NCOA5: variants seen among roughly 807,000 people sequenced by gnomAD.
NCOA5 encodes the protein nuclear receptor coactivator 5, also known as NCoA-5.
A neutral mutation model predicts 59.0 loss-of-function variants in NCOA5; 12 were observed. The ratio of observed to expected loss-of-function variants is 0.20; its 90% CI spans 0.13 to 0.33. The LOEUF is 0.33. Ranked by LOEUF, NCOA5 falls within the 10% of genes least tolerant of loss-of-function variation. The pLI, the probability that NCOA5 is intolerant of heterozygous loss-of-function variation, is 1.00. For missense variants in NCOA5, 655 were observed against 766.6 expected (o/e 0.85, Z 1.72); for synonymous variants, 270 against 275.5 (o/e 0.98, Z 0.20).
Position 46,063,393 on chromosome 20 carries a change from G to T in NCOA5, c.1117C>A (p.Arg373=). The change falls in exon 7 of 8, where the codon CGG becomes AGG. Residue 373 remains arginine (R), a synonymous_variant. Coordinates refer to ENST00000290231, the MANE Select transcript of NCOA5 (RefSeq NM_020967.3). ...GAGTCGGTGCTGCTCCTCATCAGCC[G>T]CTCCTTCCGCTCTCGCAGGTAGTTG... ...IINYLRERKE[R]LMRSSTDSLP... 6.2e-7 allele frequency: 1 copy of T among 1,613,600 alleles called. No individual in the cohort carries two copies. Among genetic ancestry groups the T allele is most frequent in the African/African-American group, 1.3e-5 (1 of 75,008 alleles).
At chr20:46,063,256 T>A in intron 7 of NCOA5, 104 bp downstream of exon 7, 1 of 1,201,606 alleles carries the variant, frequency 8.3e-7, no homozygotes. Flanking sequence ...CTTAGTTCCC[T>A]TACCCACTCC....
At chr20:46,079,274 G>T in intron 2 of NCOA5, 113 bp downstream of exon 2, 1 of 973,366 alleles carries the variant, frequency 1.0e-6, no homozygotes, top group Non-Finnish European at 1.7e-6. Flanking sequence ...CTTATTGTTT[G>T]CTTGAGCGTT....
intron 1 of NCOA5, among the ~76,000 whole-genome samples, chr20:46,085,496 G>C (rs761771018): frequency 3.9e-5 from 6 of 152,116 alleles, no homozygotes; most frequent in Non-Finnish European, 7.4e-5. Flanking sequence ...TGTATGGAGG[G>C]GGTGGGGGTG....
chr20:46,069,427 C>G (rs1430730448), intron 3 of NCOA5, among the ~76,000 whole-genome samples: 1 of 152,178 alleles, frequency 6.6e-6, no homozygotes, highest in Non-Finnish European at 1.5e-5. Flanking sequence ...AATGATACCA[C>G]ATTATATGAA....
intron 2 of NCOA5, among the ~76,000 whole-genome samples, chr20:46,077,671 C>T (rs2084951964): frequency 6.6e-6 from 1 of 152,288 alleles, no homozygotes; most frequent in South Asian, 2.1e-4. Flanking sequence ...CCTGGTAAGT[C>T]ACCAGGAAAC....
chr20:46,083,052 C>T (rs1427834258), intron 1 of NCOA5, among the ~76,000 whole-genome samples: 2 of 152,134 alleles, frequency 1.3e-5, no homozygotes, highest in African/African-American at 4.8e-5. Flanking sequence ...ACTCTTTTCA[C>T]CTTAAAACCA....
intron 2 of NCOA5, among the ~76,000 whole-genome samples, chr20:46,076,762 T>A (rs1436167939): frequency 6.6e-6 from 1 of 152,154 alleles, no homozygotes; most frequent in Admixed American, 6.5e-5. Context: ...GAATTTGAAT[T>A]AGCCTAGCTG....
At chr20:46,063,266 C>T in intron 7 of NCOA5, 94 bp downstream of exon 7, 1 of 1,345,920 alleles carries the variant, frequency 7.4e-7, no homozygotes. Flanking sequence ...TTACCCACTC[C>T]AAAGAGCCCT....
rs750236006 is a variant in NCOA5 at position 46,067,092 on chromosome 20, C to T, written c.592G>A (p.Val198Ile). 6 of 1,614,104 alleles carry T rather than the reference C, an allele frequency of 3.7e-6. No individual in the cohort carries two copies. The highest frequency in any genetic ancestry group is 4.2e-6 in the Non-Finnish European group (5 of 1,180,012). The stretch of plus-strand genomic sequence containing the variant: ...TTGACCACAATCACAGAACAATCAA[C>T]GGGCCTTTCGGCATCAAAGCGTCTC... Reference protein sequence around the residue: ...IQRRFDAERPVDCSVIVVNKQ... With the variant: ...IQRRFDAERPIDCSVIVVNKQ... The change falls in exon 5 of 8, where the codon GTT becomes ATT. Residue 198 changes from valine (V) to isoleucine (I), a missense_variant. By Grantham distance (29) the Val-to-Ile change is conservative (BLOSUM62 3). Transcript: ENST00000290231.
intron 2 of NCOA5, among the ~76,000 whole-genome samples, chr20:46,073,358 T>TCATA (rs1600625373): frequency 6.6e-6 from 1 of 152,340 alleles, no homozygotes; most frequent in East Asian, 1.9e-4. Context: ...AGCAAACATA[T>TCATA]CATAGACCAG....
chr20:46,065,323 C>T, intron 5 of NCOA5, 95 bp from the exon 6 acceptor site: 1 of 1,138,982 alleles, frequency 8.8e-7, no homozygotes. Flanking sequence ...ATAACTCAAA[C>T]CTTAGTCTAC....
intron 2 of NCOA5, among the ~76,000 whole-genome samples, chr20:46,074,971 CTCTT>C (rs1238492185): frequency 6.6e-6 from 1 of 152,234 alleles, no homozygotes; most frequent in African/African-American, 2.4e-5. Context: ...GAGGGCCAGC[CTCTT>C]TCTGACCCTG....
chr20:46,062,249 T>C lies in NCOA5; in HGVS notation c.*51A>G. ...AACAGCTCTATTTAGAACAAGTAAG[T>C]GGGAGGAGGCCAGGGGATGAGGGGA... On this transcript the variant is annotated 3_prime_UTR_variant, in exon 8 of 8. Coordinates refer to ENST00000290231, the MANE Select transcript of NCOA5 (RefSeq NM_020967.3). 1 of 1,430,600 alleles carries C rather than the reference T, an allele frequency of 7.0e-7. No individual in the cohort carries two copies. Among genetic ancestry groups the C allele is most frequent in the Non-Finnish European group, 9.6e-7 (1 of 1,040,588 alleles). The allele number at this position is 1,430,600 out of a possible 1,614,324, so 88.6% of individuals were successfully genotyped here. A position where few individuals can be genotyped will look rare whatever the true frequency, so the allele number is the denominator to read the frequency against.
intron 1 of NCOA5, among the ~76,000 whole-genome samples, chr20:46,088,151 A>G (rs1179487871): frequency 6.6e-6 from 1 of 152,224 alleles, no homozygotes; most frequent in South Asian, 2.1e-4. Flanking sequence ...CTTACAAGTA[A>G]GTTAATCTGT....
At chr20:46,074,272 C>T (rs1207537735) in intron 2 of NCOA5, among the ~76,000 whole-genome samples, 3 of 152,102 alleles carry the variant, frequency 2.0e-5, no homozygotes, top group Non-Finnish European at 4.4e-5. Context: ...GTAGTATGCA[C>T]GAATCAAAGT....
intron 2 of NCOA5, among the ~76,000 whole-genome samples, chr20:46,072,207 A>G (rs1376425367): frequency 6.6e-6 from 1 of 152,182 alleles, no homozygotes; most frequent in Non-Finnish European, 1.5e-5. Flanking sequence ...CCACAGCAAG[A>G]GCCTTCTAAA....
At chr20:46,080,989 A>C (rs184986012) in intron 1 of NCOA5, among the ~76,000 whole-genome samples, 2 of 152,242 alleles carry the variant, frequency 1.3e-5, no homozygotes, top group Non-Finnish European at 2.9e-5. Flanking sequence ...AATTGTGAAG[A>C]ATACTAGTTC....
At chr20:46,066,996 G>C in intron 5 of NCOA5, 59 bp downstream of exon 5, 1 of 1,587,148 alleles carries the variant, frequency 6.3e-7, no homozygotes, top group East Asian at 2.2e-5. Context: ...GTGCTAAACA[G>C]GAGCCTGAAT....
intron 1 of NCOA5, among the ~76,000 whole-genome samples, chr20:46,082,101 C>A (rs1314385631): frequency 1.3e-5 from 2 of 151,828 alleles, no homozygotes; most frequent in East Asian, 3.9e-4. Flanking sequence ...TTTGAAAATG[C>A]AAATATTGAG....
Sources: allele counts gnomAD v4.1 joint callset (sites outside exome capture counted in the v4.1 genomes callset), GRCh38; gene constraint gnomAD v4.1.1; transcripts MANE v1.5; gene names NCBI Gene and HGNC (gene_info 2026-07-23, HGNC 2026-07-21).